Variants in RELN observed in about 807,000 individuals in gnomAD.
RELN encodes the protein reelin.
A neutral mutation model predicts 427.6 loss-of-function variants in RELN; 108 were observed. That is an observed-to-expected ratio of 0.25 (90% CI 0.22 to 0.30). The LOEUF is 0.30. Among genes scored for constraint, RELN ranks in the 10% least tolerant of loss-of-function variants. The probability of loss-of-function intolerance (pLI) is 1.00; values close to 1 mark genes in which losing one functional copy is unlikely to be tolerated. For missense variants in RELN, 3,715 were observed against 4,302.8 expected, an observed-to-expected ratio of 0.86 and a Z score of 3.82; for synonymous variants, 1,524 against 1,513.4, an observed-to-expected ratio of 1.01 and a Z score of -0.16.
chr7:103,515,155 G>T, intron 50 of RELN, 30 bp downstream of exon 50: 1 of 1,613,930 alleles, frequency 6.2e-7, no homozygotes, highest in Non-Finnish European at 8.5e-7. Flanking sequence ...TTTCCACTGG[G>T]CTTTTTATTT....
rs1023433954 is a variant in RELN at position 103,545,246 on chromosome 7, T to C, written c.6401A>G (p.Glu2134Gly). The C allele has an allele frequency of 5.0e-6, 8 of 1,613,740 alleles. No homozygotes were observed. The African/African-American group carries it at 6.7e-5, about 13-fold the overall frequency. Residue 2134 changes from glutamate (E) to glycine (G), a missense_variant, in exon 42 of 65, where the codon GAG (glutamate) becomes GGG (glycine). Coordinates refer to ENST00000428762, the MANE Select transcript of RELN (RefSeq NM_005045.4). ...DNVYIGPQCE[E>G]MCNGQGSCIN... ...ACAGCTCCCCTGTCCATTACACATC[T>C]CCTCACACTGGGGACCGATGTAGAC... is the stretch of plus-strand genomic sequence containing the variant.
In RELN at chr7:103,495,736, A is replaced by G. The variant is rs138348347; in HGVS notation, c.9356T>C (p.Met3119Thr). 1 of 1,614,022 alleles carries G rather than the reference A, an allele frequency of 6.2e-7. No individual in the cohort carries two copies. The highest frequency in any genetic ancestry group is 8.5e-7 in the Non-Finnish European group (1 of 1,179,972). Residue 3119 changes from methionine (M) to threonine (T), a missense_variant, in exon 57 of 65, where the codon ATG (methionine) becomes ACG (threonine). Around this residue, in one of 4 missense-constraint regions of RELN, gnomAD observed 1,310 missense variants for 1,643.0 expected, o/e 0.80. Coordinates refer to ENST00000428762, the MANE Select transcript of RELN (RefSeq NM_005045.4). ...SRELIIQPGY[M>T]MQFKIVVGCE... ...ACTTTTCCTTACTTTAAACTGCATC[A>G]TGTATCCTGGCTGTATAATGAGTTC...
At chr7:103,682,923 T>C (rs182242719) in intron 10 of RELN, among the ~76,000 whole-genome samples, 5 of 151,652 alleles carry the variant, frequency 3.3e-5, no homozygotes, top group Admixed American at 2.0e-4. Context: ...TGTGATACTT[T>C]TTCTAAAGAA....
intron 5 of RELN, among the ~76,000 whole-genome samples, chr7:103,751,484 A>T (rs1384155914): frequency 6.6e-6 from 1 of 152,244 alleles, no homozygotes; most frequent in African/African-American, 2.4e-5. Context: ...GGATGCTCAG[A>T]CGCGAAGCCT....
chr7:103,565,199 C>A, intron 34 of RELN, 79 bp downstream of exon 34: 1 of 1,515,886 alleles, frequency 6.6e-7, no homozygotes, highest in Non-Finnish European at 9.2e-7. Context: ...AATAGAATCC[C>A]CAGGCCGAAT....
intron 54 of RELN, 27 bp downstream of exon 54, chr7:103,498,050 G>C: frequency 6.2e-7 from 1 of 1,612,096 alleles, no homozygotes; most frequent in South Asian, 1.1e-5. Context: ...TGGTGCAATA[G>C]AAATAACTAA....
At chr7:103,959,600 C>CCT (rs200164299) in intron 1 of RELN, among the ~76,000 whole-genome samples, 7 of 149,380 alleles carry the variant, frequency 4.7e-5, no homozygotes, top group African/African-American at 9.7e-5. Flanking sequence ...CAACCTGACT[C>CCT]CTCTCTCTCT....
intron 19 of RELN, among the ~76,000 whole-genome samples, chr7:103,634,839 T>C (rs1584363169): frequency 6.6e-6 from 1 of 152,078 alleles, no homozygotes; most frequent in African/African-American, 2.4e-5. Flanking sequence ...TATAGTTAAA[T>C]AAGGAAAACA....
At chr7:103,537,632 C>G (rs1830082906) in intron 45 of RELN, among the ~76,000 whole-genome samples, 1 of 152,192 alleles carries the variant, frequency 6.6e-6, no homozygotes. Flanking sequence ...CATGTGATAA[C>G]TTACTTCTTT....
intron 11 of RELN, among the ~76,000 whole-genome samples, chr7:103,669,554 T>C (rs2299357): frequency 0.57 from 86,328 of 151,942 alleles, 24,717 homozygotes; most frequent in South Asian, 0.65. Flanking sequence ...GGTCATTTCC[T>C]GTTACAAAAA....
At chr7:103,838,687 C>T (rs1298490855) in intron 2 of RELN, among the ~76,000 whole-genome samples, 5 of 152,138 alleles carry the variant, frequency 3.3e-5, no homozygotes, top group Non-Finnish European at 5.9e-5. Context: ...AAGTCCTAGC[C>T]ACAGTCCTGT....
chr7:103,500,759 T>A lies in RELN; in HGVS notation c.8653A>T (p.Thr2885Ser), dbSNP rs565935986. 1.2e-6 allele frequency: 2 copies of A among 1,613,912 alleles called. No individual in the cohort carries two copies. Residue 2885 changes from threonine to serine, a missense_variant, in exon 53 of 65, where the codon ACC becomes TCC. By Grantham distance (58) the Thr-to-Ser change is moderately conservative (BLOSUM62 1). Transcript: ENST00000428762. ...TTTACCCTTACCTTCAGAGTGTGGG[T>A]CAAGTAGCAGTTTGGCCCTGAGTAT... is the stretch of plus-strand genomic sequence containing the variant. Reference protein sequence around the residue: ...PGYSGPNCYLTHTLKTFLKER... With the variant: ...PGYSGPNCYLSHTLKTFLKER...
chr7:103,698,098 A>G lies in RELN; in HGVS notation c.903-5T>C, dbSNP rs1310303293. The G allele has an allele frequency of 1.2e-6, 2 of 1,613,568 alleles. No homozygotes were observed. Among genetic ancestry groups the G allele is most frequent in the Non-Finnish European group, 1.7e-6 (2 of 1,179,722 alleles). On this transcript the variant is annotated splice_polypyrimidine_tract_variant and splice_region_variant and intron_variant, in intron 9 of 64. Transcript: ENST00000428762. ...GTGCTGACATTGGAAGGGGCTCTGG[A>G]ACATACAGAGAGATGGCAAGTTTAG...
chr7:103,829,286 T>C (rs977211301), intron 3 of RELN, among the ~76,000 whole-genome samples: 1 of 151,766 alleles, frequency 6.6e-6, no homozygotes, highest in African/African-American at 2.4e-5. Context: ...GCTTTCTTTC[T>C]TCTTTCTTTC....
At position 103,611,674 on chromosome 7, in the gene RELN, C is replaced by T; in HGVS notation, c.2832G>A (p.Met944Ile). 6.2e-7 allele frequency: 1 copy of T among 1,613,830 alleles called. No individual in the cohort carries two copies. The highest frequency in any genetic ancestry group is 8.5e-7 in the Non-Finnish European group (1 of 1,179,938). ...MGCGQKYTPHMDNQVKLEYST... is the reference protein window; with the variant it reads ...MGCGQKYTPHIDNQVKLEYST... The stretch of plus-strand genomic sequence containing the variant: ...AGTACTCCAGCTTCACCTGGTTGTC[C>T]ATGTGTGGGGTGTATTTCTGGCCAC... Residue 944 changes from methionine (M) to isoleucine (I), a missense_variant, in exon 21 of 65, where the codon ATG becomes ATA. Coordinates refer to ENST00000428762, the MANE Select transcript of RELN (RefSeq NM_005045.4).
chr7:103,551,452 T>C (rs1830408976), intron 40 of RELN, among the ~76,000 whole-genome samples, 156 bp from the exon 41 acceptor site: 1 of 152,214 alleles, frequency 6.6e-6, no homozygotes, highest in Non-Finnish European at 1.5e-5. Flanking sequence ...CTGAGTAATA[T>C]TGTATATTAC....
intron 55 of RELN, among the ~76,000 whole-genome samples, chr7:103,497,424 TAGA>T (rs1828874374): frequency 1.3e-5 from 2 of 152,342 alleles, no homozygotes; most frequent in South Asian, 2.1e-4. Flanking sequence ...TTCACAATTT[TAGA>T]AGATTTCCAT....
intron 1 of RELN, among the ~76,000 whole-genome samples, chr7:103,974,288 C>T (rs941615013): frequency 1.3e-5 from 2 of 152,198 alleles, no homozygotes; most frequent in East Asian, 1.9e-4. Context: ...GACAAGGAAA[C>T]GGAGACATAG....
rs150172114 is a variant in RELN, at chr7:103,625,317, C to A, written c.2702+4623G>T. 9.8e-5 allele frequency among the ~76,000 whole-genome samples: 15 copies of A among 152,306 alleles called. No individual in the cohort carries two copies. In the East Asian group the frequency reaches 2.7e-3, roughly 27 times the overall value. On this transcript the variant is annotated intron_variant, in intron 20 of 64. Coordinates refer to ENST00000428762, the MANE Select transcript of RELN (RefSeq NM_005045.4). ...GAAAGTACTGGCAAAAATAAGTACA[C>A]CACTATGAGCTTTCTGTTGCACAAT...
Sources: allele counts gnomAD v4.1 joint callset (sites outside exome capture counted in the v4.1 genomes callset), GRCh38; gene constraint gnomAD v4.1.1; regional missense constraint gnomAD v4.1.1; transcripts MANE v1.5; gene names NCBI Gene and HGNC (gene_info 2026-07-23, HGNC 2026-07-21).